The following CPQ variants were observed in gnomAD, a reference collection of about 807,000 sequenced individuals.
The protein encoded by CPQ is Ser-Met dipeptidase.
In CPQ, 37 loss-of-function variants were observed where a neutral mutation model predicts 45.7. That is an observed-to-expected ratio of 0.81 (90% CI 0.62 to 1.07). The LOEUF (loss-of-function observed/expected upper bound fraction) is 1.07. Among genes scored for constraint, CPQ ranks in the 50% least tolerant of loss-of-function variants. CPQ has a pLI of 0.00. For synonymous variants in CPQ, 186 were observed against 205.8 expected, an observed-to-expected ratio of 0.90 and a Z score of 0.82; for missense variants, 537 against 572.9, an observed-to-expected ratio of 0.94 and a Z score of 0.64.
chr8:97,026,736 G>GC (rs1402737751), intron 5 of CPQ, among the ~76,000 whole-genome samples: 1 of 152,170 alleles, frequency 6.6e-6, no homozygotes. Flanking sequence ...CAACTATGCT[G>GC]TTGTTGTGTT....
chr8:96,655,332 T>A (rs769149416), intron 1 of CPQ, among the ~76,000 whole-genome samples: 6 of 152,146 alleles, frequency 3.9e-5, no homozygotes, highest in Non-Finnish European at 7.3e-5. Flanking sequence ...TTGATTGTGC[T>A]GCTTAATTGA....
At chr8:96,928,234 C>A (rs1039588845) in intron 4 of CPQ, among the ~76,000 whole-genome samples, 5 of 152,092 alleles carry the variant, frequency 3.3e-5, no homozygotes, top group African/African-American at 1.2e-4. Flanking sequence ...CACTAATAAC[C>A]TTCCTCCTTT....
At chr8:97,096,243 G>A (rs886881064) in intron 7 of CPQ, among the ~76,000 whole-genome samples, 8 of 152,132 alleles carry the variant, frequency 5.3e-5, no homozygotes, top group African/African-American at 1.4e-4. Flanking sequence ...GTAGAGCCAG[G>A]ATTTAAGCAC....
At chr8:96,694,422 G>T (rs543941956) in intron 1 of CPQ, among the ~76,000 whole-genome samples, 46 of 152,054 alleles carry the variant, frequency 3.0e-4, no homozygotes, top group African/African-American at 1.1e-3. Context: ...TAGATCAAAT[G>T]GACCTAATAG....
At chr8:96,926,576 C>CTCTTGTTCTTCTTCTTCT (rs1812882738) in intron 4 of CPQ, among the ~76,000 whole-genome samples, 1 of 74,976 alleles carries the variant, frequency 1.3e-5, no homozygotes, top group Non-Finnish European at 2.4e-5. Flanking sequence ...CTTCCTCTTC[C>CTCTTGTTCTTCTTCTTCT]TCTTCTTCTT....
chr8:96,657,758 C>T (rs1175748348), intron 1 of CPQ, among the ~76,000 whole-genome samples: 1 of 152,180 alleles, frequency 6.6e-6, no homozygotes, highest in Admixed American at 6.5e-5. Context: ...CTCTTACTGG[C>T]CTTGTGCCTT....
intron 6 of CPQ, among the ~76,000 whole-genome samples, chr8:97,038,391 C>G (rs1022008090): frequency 6.6e-6 from 1 of 152,158 alleles, no homozygotes. Flanking sequence ...TGCCTCCCTA[C>G]TCCTAACCAG....
intron 5 of CPQ, among the ~76,000 whole-genome samples, chr8:97,016,099 ATAAT>A (rs905318689): frequency 1.3e-5 from 2 of 152,130 alleles, no homozygotes; most frequent in African/African-American, 4.8e-5. Context: ...TAAAAATAAA[ATAAT>A]TAAAGAGAGC....
chr8:96,885,307 C>G (rs1013517555), intron 4 of CPQ, among the ~76,000 whole-genome samples: 1 of 152,162 alleles, frequency 6.6e-6, no homozygotes, highest in Non-Finnish European at 1.5e-5. Context: ...TTAATCCATT[C>G]CTGATGGCAG....
intron 1 of CPQ, among the ~76,000 whole-genome samples, chr8:96,697,719 A>T (rs1356553901): frequency 6.6e-6 from 1 of 152,142 alleles, no homozygotes; most frequent in Non-Finnish European, 1.5e-5. Context: ...GCCAACAACA[A>T]ACAATCTAAA....
chr8:96,933,587 C>T (rs939516273), intron 4 of CPQ, among the ~76,000 whole-genome samples: 36 of 152,140 alleles, frequency 2.4e-4, no homozygotes, highest in African/African-American at 7.2e-4. Flanking sequence ...GGAGAGGAAG[C>T]ACACAGGGCA....
intron 1 of CPQ, among the ~76,000 whole-genome samples, chr8:96,699,597 G>A (rs188824143): frequency 2.0e-5 from 3 of 151,778 alleles, no homozygotes; most frequent in East Asian, 1.9e-4. Flanking sequence ...TTTATGTAAC[G>A]CATATATATA....
In CPQ at chr8:96,931,058, T is replaced by C. The variant is rs1408617921; in HGVS notation, c.850-34877T>C. ...TGACTACGACACACTGAAGGCCACA[T>C]TGACCTTCCATCAAACATACATGCA... is the stretch of plus-strand genomic sequence containing the variant. On this transcript the variant is annotated intron_variant, in intron 4 of 7. Transcript: ENST00000220763. 3.9e-5 allele frequency among the ~76,000 whole-genome samples: 6 copies of C among 152,318 alleles called. No individual in the cohort carries two copies. In the East Asian group the frequency reaches 1.2e-3, roughly 29 times the overall value.
chr8:96,781,025 A>AT (rs1810678734), intron 1 of CPQ, among the ~76,000 whole-genome samples: 2 of 151,708 alleles, frequency 1.3e-5, no homozygotes, highest in South Asian at 4.1e-4. Context: ...TTATTTTAGA[A>AT]TTTTTTCTTA....
chr8:96,810,586 AC>A (rs1181659234), intron 2 of CPQ, among the ~76,000 whole-genome samples: 1 of 152,226 alleles, frequency 6.6e-6, no homozygotes, highest in Non-Finnish European at 1.5e-5. Context: ...CAGTTCACAC[AC>A]ATAAGTTATT....
At chr8:97,021,914 C>G (rs183001884) in intron 5 of CPQ, among the ~76,000 whole-genome samples, 8 of 151,982 alleles carry the variant, frequency 5.3e-5, no homozygotes. Context: ...AAAAAAGAGC[C>G]CACATAGCTG....
intron 1 of CPQ, among the ~76,000 whole-genome samples, chr8:96,692,316 T>A (rs1809315322): frequency 6.6e-6 from 1 of 151,814 alleles, no homozygotes; most frequent in African/African-American, 2.4e-5. Context: ...ATAATAATTA[T>A]TGAACCCTAG....
intron 5 of CPQ, among the ~76,000 whole-genome samples, chr8:97,014,177 C>T (rs976435875): frequency 2.0e-5 from 3 of 152,084 alleles, no homozygotes; most frequent in African/African-American, 7.2e-5. Flanking sequence ...ATTCAAAGGG[C>T]TTAAATTATG....
At chr8:97,062,252 C>T (rs1027567902) in intron 6 of CPQ, among the ~76,000 whole-genome samples, 2 of 152,084 alleles carry the variant, frequency 1.3e-5, no homozygotes, top group African/African-American at 2.4e-5. Context: ...TATGGACAGG[C>T]TCATTATTCA....
Sources: gnomAD v4.1 joint callset for allele counts (sites outside exome capture counted in the v4.1 genomes callset) on GRCh38, gnomAD v4.1.1 for gene constraint, MANE v1.5 for transcripts, NCBI Gene and HGNC (gene_info 2026-07-23, HGNC 2026-07-21) for gene names.